ATR: variants seen among roughly 807,000 people sequenced by gnomAD.
The protein encoded by ATR is serine/threonine-protein kinase ATR.
A neutral mutation model predicts 305.3 loss-of-function variants in ATR; 142 were observed. The ratio of observed to expected loss-of-function variants is 0.47; its 90% CI spans 0.41 to 0.53. The LOEUF (loss-of-function observed/expected upper bound fraction) is 0.53, where lower values mean the gene tolerates loss of function less well. Ranked by LOEUF, ATR falls within the 20% of genes least tolerant of loss-of-function variation. The pLI, the probability that ATR is intolerant of heterozygous loss-of-function variation, is 0.00. For synonymous variants in ATR, 1,050 were observed against 1,068.1 expected (o/e 0.98, Z 0.33); for missense variants, 2,135 against 3,133.1 (o/e 0.68, Z 7.60).
At chr3:142,533,838 G>T (rs2033753366) in intron 21 of ATR, among the ~76,000 whole-genome samples, 1 of 152,072 alleles carries the variant, frequency 6.6e-6, no homozygotes, top group Non-Finnish European at 1.5e-5. Context: ...TATTAGCATT[G>T]GGGCTTTACA....
intron 21 of ATR, among the ~76,000 whole-genome samples, chr3:142,528,817 G>C (rs1395244093): frequency 7.3e-6 from 1 of 137,310 alleles, no homozygotes; most frequent in African/African-American, 2.8e-5. Context: ...ATTTATTTGG[G>C]TAAGGATGAC....
At chr3:142,570,427 C>A (rs779540540) in intron 1 of ATR, among the ~76,000 whole-genome samples, 5 of 152,080 alleles carry the variant, frequency 3.3e-5, no homozygotes, top group Non-Finnish European at 7.3e-5. Context: ...ACTCTTGTTG[C>A]CCAGGCTGGA....
intron 38 of ATR, among the ~76,000 whole-genome samples, chr3:142,468,517 T>C (rs2071183516): frequency 6.6e-6 from 1 of 152,176 alleles, no homozygotes; most frequent in Non-Finnish European, 1.5e-5. Context: ...TGTTAAAATA[T>C]GCTAGAAAAT....
At chr3:142,499,929 C>T (rs1437479271) in intron 30 of ATR, 2 of 477,430 alleles carry the variant, frequency 4.2e-6, no homozygotes, top group Non-Finnish European at 7.5e-6. Flanking sequence ...TCACTAATTA[C>T]TTCTGATACA....
intron 45 of ATR, among the ~76,000 whole-genome samples, chr3:142,455,954 C>T (rs1390062204): frequency 6.6e-6 from 1 of 152,190 alleles, no homozygotes; most frequent in East Asian, 1.9e-4. Flanking sequence ...GAAGAGACAA[C>T]CCACAGATGG....
chr3:142,522,139 A>G (rs1380638881), intron 23 of ATR, among the ~76,000 whole-genome samples: 1 of 152,236 alleles, frequency 6.6e-6, no homozygotes, highest in African/African-American at 2.4e-5. Context: ...TTCCACCAGC[A>G]AAACCATTAT....
At chr3:142,471,904 G>GT (rs1233373156) in intron 36 of ATR, among the ~76,000 whole-genome samples, 6 of 151,856 alleles carry the variant, frequency 4.0e-5, no homozygotes, top group Non-Finnish European at 8.8e-5. Flanking sequence ...CCAACCCCTG[G>GT]TAATCACCAT....
intron 2 of ATR, 76 bp from the exon 3 acceptor site, chr3:142,566,337 G>A (rs1303937875): frequency 2.0e-6 from 3 of 1,521,270 alleles, no homozygotes; most frequent in East Asian, 4.7e-5. Context: ...CCAGACTGTG[G>A]GCCAGGCAAG....
At chr3:142,505,419 A>G in intron 28 of ATR, 116 bp from the exon 29 acceptor site, 1 of 1,220,972 alleles carries the variant, frequency 8.2e-7, no homozygotes, top group Non-Finnish European at 1.2e-6. Context: ...TTTTCCTCAA[A>G]GTAATAGTAA....
At chr3:142,556,639 C>T in intron 8 of ATR, 64 bp from the exon 9 acceptor site, 2 of 1,429,584 alleles carry the variant, frequency 1.4e-6, no homozygotes, top group Non-Finnish European at 1.9e-6. Context: ...TACACATATA[C>T]ATATATATAA....
chr3:142,480,023 TG>T (rs1266564492), intron 36 of ATR, among the ~76,000 whole-genome samples: 1 of 152,216 alleles, frequency 6.6e-6, no homozygotes, highest in Admixed American at 6.5e-5. Context: ...TTCTTTGCCA[TG>T]GGTTCCAACT....
chr3:142,462,525 G>C (rs1278769036), intron 41 of ATR, among the ~76,000 whole-genome samples: 1 of 151,272 alleles, frequency 6.6e-6, no homozygotes, highest in Non-Finnish European at 1.5e-5. Flanking sequence ...CTGGAGTGCA[G>C]TGGCTCAATC....
chr3:142,573,816 T>C (rs964927870), intron 1 of ATR, among the ~76,000 whole-genome samples: 2 of 152,216 alleles, frequency 1.3e-5, no homozygotes, highest in African/African-American at 4.8e-5. Context: ...CACATCTCAA[T>C]TTAGACTAGC....
chr3:142,558,532 A>C (rs930917595), intron 8 of ATR, 92 bp downstream of exon 8: 114 of 862,198 alleles, frequency 1.3e-4, no homozygotes, highest in Non-Finnish European at 1.5e-4. Context: ...AAAAATAAAT[A>C]AATAAATAAA....
intron 19 of ATR, among the ~76,000 whole-genome samples, chr3:142,536,777 T>G (rs1372911168): frequency 7.9e-5 from 12 of 152,152 alleles, no homozygotes. Flanking sequence ...GATTGCAAAA[T>G]TATGAGCAAA....
At chr3:142,536,225 G>A in intron 19 of ATR, 24 bp from the exon 20 acceptor site, 1 of 1,474,426 alleles carries the variant, frequency 6.8e-7, no homozygotes, top group Non-Finnish European at 9.5e-7. Flanking sequence ...GGAATAAAAA[G>A]AATTATTTGC....
intron 36 of ATR, among the ~76,000 whole-genome samples, chr3:142,481,531 C>G (rs146586465): frequency 6.6e-6 from 1 of 152,296 alleles, no homozygotes; most frequent in African/African-American, 2.4e-5. Flanking sequence ...AATCATAAAG[C>G]CAGTGGCTTG....
At position 142,498,508 on chromosome 3, in the gene ATR, C is replaced by T. The variant is rs567613953; in HGVS notation, c.5558+89G>A. ...GTGTAGCTATGCATGAAACCAAACTCACTATCAATTATTTACTCAAAAAAA... is the reference window on the plus strand; with the variant it reads ...GTGTAGCTATGCATGAAACCAAACTTACTATCAATTATTTACTCAAAAAAA... On this transcript the variant is annotated intron_variant, in intron 32 of 46. Coordinates refer to ENST00000350721, the MANE Select transcript of ATR (RefSeq NM_001184.4). 3.8e-4 allele frequency: 474 copies of T among 1,263,938 alleles called. 8 individuals carry two copies. In the South Asian group the frequency reaches 5.7e-3, roughly 15 times the overall value. 78.3% of individuals were successfully genotyped at this position (1,263,938 alleles called of 1,614,324 possible).
chr3:142,469,249 C>A, intron 38 of ATR, 88 bp downstream of exon 38: 1 of 1,091,508 alleles, frequency 9.2e-7, no homozygotes, highest in South Asian at 1.5e-5. Flanking sequence ...CGCCCTGGAA[C>A]TTGTATCTAC....
Sources: allele counts gnomAD v4.1 joint callset (sites outside exome capture counted in the v4.1 genomes callset), GRCh38; gene constraint gnomAD v4.1.1; transcripts MANE v1.5; gene names NCBI Gene and HGNC (gene_info 2026-07-23, HGNC 2026-07-21).